The following MCCC2 variants were observed in gnomAD, a reference collection of about 807,000 sequenced individuals.
MCCC2 encodes the protein methylcrotonyl-CoA carboxylase subunit 2.
MCCC2 carries 52 observed loss-of-function variants against 77.2 expected under a neutral mutation model. The ratio of observed to expected loss-of-function variants is 0.67; its 90% CI spans 0.54 to 0.85. The LOEUF is 0.85. Among genes scored for constraint, MCCC2 ranks in the 40% least tolerant of loss-of-function variants. MCCC2 has a pLI of 0.00. For missense variants in MCCC2, 682 were observed against 703.2 expected, an observed-to-expected ratio of 0.97 and a Z score of 0.34; for synonymous variants, 253 against 248.4, an observed-to-expected ratio of 1.02 and a Z score of -0.18.
chr5:71,634,563 A>C (rs1180204911), intron 8 of MCCC2, among the ~76,000 whole-genome samples: 1 of 152,182 alleles, frequency 6.6e-6, no homozygotes, highest in Non-Finnish European at 1.5e-5. Context: ...GGCCTTCATC[A>C]CACGCAATTC....
chr5:71,592,938 C>T lies in MCCC2; in HGVS notation c.142C>T (p.Gln48Ter), dbSNP rs1184301452. ...GSALYQENYK[Q>*]MKALVNQLHE... ...ATTTCTGTTTTAGGAGAACTACAAG[C>T]AGATGAAAGCACTAGTAAATCAGCT... is the stretch of plus-strand genomic sequence containing the variant. The change falls in exon 2 of 17, where the codon CAG becomes TAG. Residue 48 changes from glutamine to a stop codon, truncating the protein, a stop_gained. Coordinates refer to ENST00000340941, the MANE Select transcript of MCCC2 (RefSeq NM_022132.5). LOFTEE classifies it high-confidence loss of function. The T allele has an allele frequency of 2.5e-6, 4 of 1,611,772 alleles. No homozygotes were observed. Among genetic ancestry groups the T allele is most frequent in the Non-Finnish European group, 3.4e-6 (4 of 1,178,774 alleles).
chr5:71,655,046 C>G (rs1275070759), intron 16 of MCCC2, among the ~76,000 whole-genome samples: 7 of 152,124 alleles, frequency 4.6e-5, no homozygotes, highest in Non-Finnish European at 1.0e-4. Flanking sequence ...GTTGGTCAGG[C>G]TTGTCTCGAA....
At chr5:71,617,116 TTA>T (rs1477609234) in intron 6 of MCCC2, among the ~76,000 whole-genome samples, 3 of 152,242 alleles carry the variant, frequency 2.0e-5, no homozygotes, top group African/African-American at 7.2e-5. Context: ...CTTTCTAGCC[TTA>T]TTGCTCCTGG....
chr5:71,589,509 G>A (rs1744892402), intron 1 of MCCC2, among the ~76,000 whole-genome samples: 1 of 152,210 alleles, frequency 6.6e-6, no homozygotes, highest in Admixed American at 6.5e-5. Context: ...CCTTCTCATG[G>A]CCGAAGGCAC....
intron 6 of MCCC2, among the ~76,000 whole-genome samples, chr5:71,609,859 TG>T (rs1745848203): frequency 6.6e-6 from 1 of 151,782 alleles, no homozygotes; most frequent in Admixed American, 6.6e-5. Context: ...TGCTGGGGGG[TG>T]CCTCCCAGTT....
At position 71,639,398 on chromosome 5, in the gene MCCC2, C is replaced by CT. The variant is rs879464546; in HGVS notation, c.1000-1593dup. On this transcript the variant is annotated intron_variant, in intron 10 of 16. Coordinates refer to ENST00000340941, the MANE Select transcript of MCCC2 (RefSeq NM_022132.5). ...CCTTATACTTTTGTGGTACAAATGG[C>CT]TTTTTTTTTTTTAAACCTCATGAAC... Among the ~76,000 whole-genome samples, 539 of 146,476 alleles carry CT rather than the reference C, an allele frequency of 3.7e-3. 7 individuals carry two copies. The highest frequency in any genetic ancestry group is 0.012 in the African/African-American group (471 of 40,122).
Position 71,604,428 on chromosome 5 carries a change from T to A in MCCC2, c.584T>A (p.Phe195Tyr). The A allele has an allele frequency of 6.2e-7, 1 of 1,614,188 alleles. No individual in the cohort carries two copies. Among genetic ancestry groups the A allele is most frequent in the South Asian group, 1.1e-5 (1 of 91,088 alleles). The stretch of plus-strand genomic sequence containing the variant: ...GATCGAGACCACTTTGGCCGTACAT[T>A]CTATAATCAGGCAATTATGTCTTCT... The part of the protein sequence containing the change: ...FPDRDHFGRT[F>Y]YNQAIMSSKN... Residue 195 changes from phenylalanine (F) to tyrosine (Y), a missense_variant, in exon 6 of 17, where the codon TTC (phenylalanine) becomes TAC (tyrosine). Physicochemically the swap from Phe to Tyr is conservative, Grantham distance 22. Transcript: ENST00000340941.
At chr5:71,633,642 C>A in intron 8 of MCCC2, among the ~76,000 whole-genome samples, 1 of 151,952 alleles carries the variant, frequency 6.6e-6, no homozygotes, top group Middle Eastern at 3.2e-3. Flanking sequence ...TTAAGTCATC[C>A]TTAAGAGCTA....
rs1230168733 is a variant in MCCC2, at chr5:71,626,673, G to A, written c.658G>A (p.Gly220Arg). 1 of 1,614,156 alleles carries A rather than the reference G, an allele frequency of 6.2e-7. No individual in the cohort carries two copies. The highest frequency in any genetic ancestry group is 8.5e-7 in the Non-Finnish European group (1 of 1,180,020). ...AVVMGSCTAG[G>R]AYVPAMADEN... ...GGTCATGGGCTCCTGCACCGCAGGA[G>A]GAGCCTATGTGCCTGCCATGGCTGA... The change falls in exon 7 of 17, where the codon GGA becomes AGA. Residue 220 changes from glycine to arginine, a missense_variant. Gly to Arg is a moderately radical substitution (Grantham distance 125, BLOSUM62 -2). Transcript: ENST00000340941.
chr5:71,598,337 G>A lies in MCCC2; in HGVS notation c.282-1322G>A, dbSNP rs111971459. On this transcript the variant is annotated intron_variant, in intron 3 of 16. Coordinates refer to ENST00000340941, the MANE Select transcript of MCCC2 (RefSeq NM_022132.5). ...GCCCACCTTGGCCTCCCAAAGTGCC[G>A]GGATTACAGGCATGAGCCACCACAC... Among the ~76,000 whole-genome samples the A allele has an allele frequency of 2.2e-3, 334 of 152,136 alleles. 1 individual carries two copies. The highest frequency in any genetic ancestry group is 6.9e-3 in the African/African-American group (286 of 41,536).
intron 10 of MCCC2, among the ~76,000 whole-genome samples, chr5:71,640,134 A>G (rs2112451557): frequency 6.6e-6 from 1 of 152,320 alleles, no homozygotes; most frequent in South Asian, 2.1e-4. Flanking sequence ...CCACTCCTTT[A>G]TACATATGTG....
chr5:71,621,312 G>A (rs540073890), intron 6 of MCCC2, among the ~76,000 whole-genome samples: 39 of 151,976 alleles, frequency 2.6e-4, no homozygotes, highest in Admixed American at 2.3e-3. Context: ...GTGCTACCTG[G>A]GCAATATTGG....
Position 71,656,678 on chromosome 5 carries a change from C to T in MCCC2, c.1575-65C>T, listed in dbSNP as rs572248577. On this transcript the variant is annotated intron_variant, in intron 16 of 16. Coordinates refer to ENST00000340941, the MANE Select transcript of MCCC2 (RefSeq NM_022132.5). ...GGAAAACTTCCTTGGCATTTCTGCA[C>T]ATGGAGAGTGTATAAATGGTAGTTT... 2.6e-5 allele frequency: 33 copies of T among 1,248,062 alleles called. No individual in the cohort carries two copies. In the African/African-American group the frequency reaches 3.1e-4, roughly 12 times the overall value. 77.3% of individuals were successfully genotyped at this position (1,248,062 alleles called of 1,614,324 possible).
intron 15 of MCCC2, 46 bp from the exon 16 acceptor site, chr5:71,652,623 C>T (rs1201183266): frequency 7.0e-6 from 10 of 1,428,334 alleles, no homozygotes; most frequent in Non-Finnish European, 9.9e-6. Context: ...TAAACAGGGC[C>T]AGTTGTTCAC....
At chr5:71,614,829 T>C (rs1414935321) in intron 6 of MCCC2, among the ~76,000 whole-genome samples, 1 of 152,082 alleles carries the variant, frequency 6.6e-6, no homozygotes, top group Non-Finnish European at 1.5e-5. Context: ...TCTGCTTATT[T>C]TTCTTCTCAC....
chr5:71,589,152 T>C (rs1744872614), intron 1 of MCCC2, among the ~76,000 whole-genome samples: 1 of 152,184 alleles, frequency 6.6e-6, no homozygotes, highest in African/African-American at 2.4e-5. Context: ...AGTTAATAAC[T>C]GAGTGGAAGG....
At position 71,646,258 on chromosome 5, in the gene MCCC2, G is replaced by C. The variant is rs1293642251; in HGVS notation, c.1197G>C (p.Leu399=). 3.7e-6 allele frequency: 6 copies of C among 1,613,570 alleles called. No homozygotes were observed. The highest frequency in any genetic ancestry group is 5.1e-6 in the Non-Finnish European group (6 of 1,179,806). Residue 399 remains leucine (L), a synonymous_variant, in exon 13 of 17, where the codon CTG becomes CTC. Coordinates refer to ENST00000340941, the MANE Select transcript of MCCC2 (RefSeq NM_022132.5). ...QLCCQRNIPL[L]FLQNITGFMV... is the part of the protein sequence containing the mutation. ...GCTGCCAAAGAAATATTCCTCTGCT[G>C]TTCCTTCAAAACATTACTGGTAAGA...
At chr5:71,611,883 G>A (rs1232452631) in intron 6 of MCCC2, among the ~76,000 whole-genome samples, 2 of 151,596 alleles carry the variant, frequency 1.3e-5, no homozygotes, top group African/African-American at 4.8e-5. Context: ...TTGCCTCCCG[G>A]GTTCACGCTA....
chr5:71,626,719 A>T lies in MCCC2; in HGVS notation c.704A>T (p.Lys235Met). The change falls in exon 7 of 17, where the codon AAG (lysine) becomes ATG (methionine). Residue 235 changes from lysine to methionine, a missense_variant. Physicochemically the swap from Lys to Met is moderately conservative, Grantham distance 95. Coordinates refer to ENST00000340941, the MANE Select transcript of MCCC2 (RefSeq NM_022132.5). ...GCTGATGAAAACATCATTGTACGCA[A>T]GCAGGGTACCATTTTCTTGGCAGGA... The part of the protein sequence containing the change: ...AMADENIIVR[K>M]QGTIFLAGPP... 6.2e-7 allele frequency: 1 copy of T among 1,614,178 alleles called. No homozygotes were observed.
Sources: gnomAD v4.1 joint callset for allele counts (sites outside exome capture counted in the v4.1 genomes callset) on GRCh38, gnomAD v4.1.1 for gene constraint, MANE v1.5 for transcripts, NCBI Gene and HGNC (gene_info 2026-07-23, HGNC 2026-07-21) for gene names.